Variants in VSIG10L2 observed in about 807,000 individuals in gnomAD.
VSIG10L2 encodes the protein V-set and immunoglobulin domain-containing protein 10-like 2.
Under a neutral mutation model 67.1 loss-of-function variants are expected in VSIG10L2, and 56 were observed. The ratio of observed to expected loss-of-function variants is 0.83; its 90% CI spans 0.67 to 1.04. The LOEUF is 1.04. VSIG10L2 is among the 50% of genes least tolerant of loss of function. The pLI is 0.00. For missense variants in VSIG10L2, 843 were observed against 932.8 expected (o/e 0.90, Z 1.25); for synonymous variants, 360 against 396.6 (o/e 0.91, Z 1.10).
chr11:125,948,340 C>G lies in VSIG10L2; in HGVS notation c.469C>G (p.Pro157Ala), dbSNP rs1945322143. 1.6e-6 allele frequency: 2 copies of G among 1,232,494 alleles called. No homozygotes were observed. Among genetic ancestry groups the G allele is most frequent in the Non-Finnish European group, 2.0e-6 (2 of 988,360 alleles). 76.3% of individuals were successfully genotyped at this position (1,232,494 alleles called of 1,614,324 possible). The change falls in exon 3 of 12, where the codon CCG (proline) becomes GCG (alanine). Residue 157 changes from proline to alanine, a missense_variant. Pro to Ala is a conservative substitution (Grantham distance 27). Around this residue, in one of 2 missense-constraint regions of VSIG10L2, gnomAD observed 446 missense variants for 548.4 expected, o/e 0.81. Coordinates refer to ENST00000686984, the MANE Select transcript of VSIG10L2 (RefSeq NM_001365077.2). ...VSKPQVRLSN[P>A]SPVEGASVVA... ...CAAGCCTCAAGTGCGACTGAGTAACCCGTCCCCTGTGGAGGGAGCCTCCGT... is the reference window on the plus strand; with the variant it reads ...CAAGCCTCAAGTGCGACTGAGTAACGCGTCCCCTGTGGAGGGAGCCTCCGT...
Position 125,954,277 on chromosome 11 carries a change from C to T in VSIG10L2, c.1977C>T (p.Ser659=), listed in dbSNP as rs1317617599. 9 of 1,232,136 alleles carry T rather than the reference C, an allele frequency of 7.3e-6. No individual in the cohort carries two copies. Among genetic ancestry groups the T allele is most frequent in the African/African-American group, 4.7e-5 (3 of 64,406 alleles). 76.3% of individuals were successfully genotyped at this position (1,232,136 alleles called of 1,614,324 possible). A position where few individuals can be genotyped will look rare whatever the true frequency, so the allele number is the denominator to read the frequency against. ...ETAASDIEPE[S]RGRRLGGLDP... is the part of the protein sequence containing the mutation. ...CAGCTAGTGACATCGAGCCAGAGAG[C>T]CGAGGACGGCGGCTGGGGGGCTTGG... is the stretch of plus-strand genomic sequence containing the variant. Residue 659 remains serine, a synonymous_variant, in exon 8 of 12, where the codon AGC becomes AGT. Transcript: ENST00000686984.
At chr11:125,951,252 C>T in intron 5 of VSIG10L2, 94 bp downstream of exon 5, 1 of 1,187,434 alleles carries the variant, frequency 8.4e-7, no homozygotes, top group East Asian at 3.2e-5. Context: ...ATCTGGGTGG[C>T]TCTCCAGACC....
In VSIG10L2 at chr11:125,954,217, T is replaced by C. The variant is rs914730449; in HGVS notation, c.1917T>C (p.Ser639=). 15 of 1,232,078 alleles carry C rather than the reference T, an allele frequency of 1.2e-5. No individual in the cohort carries two copies. In the African/African-American group the frequency reaches 2.0e-4, roughly 17 times the overall value. 76.3% of individuals were successfully genotyped at this position (1,232,078 alleles called of 1,614,324 possible). ...GCTTCCTGGTGCAGCGGAAGGCCAG[T>C]GCCCTGGGCCCAGGAGCTGGGGCGT... ...LTGFLVQRKA[S]ALGPGAGAWE... The change falls in exon 8 of 12, where the codon AGT becomes AGC. Residue 639 remains serine (S), a synonymous_variant. Coordinates refer to ENST00000686984, the MANE Select transcript of VSIG10L2 (RefSeq NM_001365077.2).
At position 125,946,988 on chromosome 11, in the gene VSIG10L2, T is replaced by A. The variant is rs1945309289; in HGVS notation, c.83-698T>A. 6.6e-6 allele frequency among the ~76,000 whole-genome samples: 1 copy of A among 152,194 alleles called. No individual in the cohort carries two copies. Among genetic ancestry groups the A allele is most frequent in the African/African-American group, 2.4e-5 (1 of 41,454 alleles). ...TGGGCCCTGAGCCGAGAACACCTGT[T>A]AAGTGACTTACTCCACAGGAACTAC... is the stretch of plus-strand genomic sequence containing the variant. On this transcript the variant is annotated intron_variant, in intron 1 of 11. Transcript: ENST00000686984. The surrounding 1 kb of genome is among the most constrained non-coding windows in gnomAD (Gnocchi z 4.4).
Position 125,950,301 on chromosome 11 carries a change from G to C in VSIG10L2, c.985+12G>C. On this transcript the variant is annotated intron_variant, in intron 4 of 11. Transcript: ENST00000686984. ...GCTCACCATCTACTGTGAGTGTGGG[G>C]GTCGGGTGACGCCCAGACCTGTCCT... 1 of 1,232,344 alleles carries C rather than the reference G, an allele frequency of 8.1e-7. No individual in the cohort carries two copies. The highest frequency in any genetic ancestry group is 1.0e-6 in the Non-Finnish European group (1 of 988,140). The allele number at this position is 1,232,344 out of a possible 1,614,324, so 76.3% of individuals were successfully genotyped here.
chr11:125,955,319 A>C (rs954149940), intron 9 of VSIG10L2, 140 bp downstream of exon 9: 9 of 1,290,124 alleles, frequency 7.0e-6, no homozygotes, highest in Non-Finnish European at 9.2e-6. Flanking sequence ...CCAGTGCTAG[A>C]TGTTGCCATG....
At position 125,955,218 on chromosome 11, in the gene VSIG10L2, C is replaced by T. The variant is rs1387729492; in HGVS notation, c.2206+39C>T. 6 of 1,260,808 alleles carry T rather than the reference C, an allele frequency of 4.8e-6. No homozygotes were observed. In the East Asian group the frequency reaches 1.8e-4, roughly 38 times the overall value. The allele number at this position is 1,260,808 out of a possible 1,614,324, so 78.1% of individuals were successfully genotyped here. On this transcript the variant is annotated intron_variant, in intron 9 of 11. Coordinates refer to ENST00000686984, the MANE Select transcript of VSIG10L2 (RefSeq NM_001365077.2). The stretch of plus-strand genomic sequence containing the variant: ...GGAAGGGACGGGCTGCTTGACCCCA[C>T]AGGGTGGCCAGGCCCTGACCTATCC...
chr11:125,954,303 A>G lies in VSIG10L2; in HGVS notation c.2003A>G (p.Asp668Gly). 1.6e-6 allele frequency: 2 copies of G among 1,231,132 alleles called. No homozygotes were observed. The highest frequency in any genetic ancestry group is 1.0e-6 in the Non-Finnish European group (1 of 987,746). The allele number at this position is 1,231,132 out of a possible 1,614,324, so 76.3% of individuals were successfully genotyped here. A position where few individuals can be genotyped will look rare whatever the true frequency, so the allele number is the denominator to read the frequency against. Residue 668 changes from aspartate to glycine, a missense_variant, in exon 8 of 12, where the codon GAC (aspartate) becomes GGC (glycine). Asp to Gly is a moderately conservative substitution (Grantham distance 94). Transcript: ENST00000686984. ...CGAGGACGGCGGCTGGGGGGCTTGG[A>G]CCCCGGGGTCCTTTATGCCTTCCGC... ...ESRGRRLGGLDPGVLYAFRIL... is the reference protein window; with the variant it reads ...ESRGRRLGGLGPGVLYAFRIL...
In VSIG10L2 at chr11:125,948,311, T is replaced by C; in HGVS notation, c.440T>C (p.Val147Ala). 4.1e-6 allele frequency: 5 copies of C among 1,232,534 alleles called. No homozygotes were observed. The highest frequency in any genetic ancestry group is 5.1e-6 in the Non-Finnish European group (5 of 988,320). The allele number at this position is 1,232,534 out of a possible 1,614,324, so 76.3% of individuals were successfully genotyped here. A position where few individuals can be genotyped will look rare whatever the true frequency, so the allele number is the denominator to read the frequency against. Residue 147 changes from valine (V) to alanine (A), a missense_variant, in exon 3 of 12, where the codon GTG becomes GCG. Coordinates refer to ENST00000686984, the MANE Select transcript of VSIG10L2 (RefSeq NM_001365077.2). ...SHLTLAVLVP[V>A]SKPQVRLSNP... is the part of the protein sequence containing the mutation. ...CTCTCCCTCCTCTGGCCAGTGCCGG[T>C]GTCCAAGCCTCAAGTGCGACTGAGT...
At chr11:125,949,632 G>C (rs955361716) in intron 3 of VSIG10L2, among the ~76,000 whole-genome samples, 1 of 152,170 alleles carries the variant, frequency 6.6e-6, no homozygotes, top group Non-Finnish European at 1.5e-5. Context: ...GCTGGGATAG[G>C]GTTCAGGACA....
intron 7 of VSIG10L2, 55 bp from the exon 8 acceptor site, chr11:125,954,023 GGGGGCACAA>G: frequency 8.3e-7 from 1 of 1,211,900 alleles, no homozygotes. Context: ...GAGCAAATCT[GGGGGCACAA>G]GGTCACGTGG....
In VSIG10L2 at chr11:125,948,070, G is replaced by T. The variant is rs547605150; in HGVS notation, c.433+34G>T. On this transcript the variant is annotated intron_variant, in intron 2 of 11. Transcript: ENST00000686984. ...CTGGCCCCAGCTGCAGCTGGTCCGC[G>T]GGCTGCTTTGGATTTCTCTGGAAGT... The T allele has an allele frequency of 6.7e-4, 831 of 1,232,462 alleles. 1 individual carries two copies. Among genetic ancestry groups the T allele is most frequent in the Non-Finnish European group, 8.1e-4 (800 of 988,254 alleles). The allele number at this position is 1,232,462 out of a possible 1,614,324, so 76.3% of individuals were successfully genotyped here.
chr11:125,955,658 G>T lies in VSIG10L2; in HGVS notation c.2275G>T (p.Ala759Ser). The change falls in exon 11 of 12, where the codon GCA (alanine) becomes TCA (serine). Residue 759 changes from alanine (A) to serine (S), a missense_variant. By Grantham distance (99) the Ala-to-Ser change is moderately conservative. Transcript: ENST00000686984. ...GAGGGGTTCCAGAGAAGATGCTGAG[G>T]CACCGGCAGGTAAGCACCTTATCCA... is the stretch of plus-strand genomic sequence containing the variant. ...QQRGSREDAE[A>S]PAGLETPTTT... 6.5e-7 allele frequency: 1 copy of T among 1,532,894 alleles called. No homozygotes were observed. Among genetic ancestry groups the T allele is most frequent in the Non-Finnish European group, 8.7e-7 (1 of 1,145,472 alleles). The allele number at this position is 1,532,894 out of a possible 1,614,324, so 95.0% of individuals were successfully genotyped here.
chr11:125,955,123 C>T lies in VSIG10L2; in HGVS notation c.2150C>T (p.Thr717Met), dbSNP rs565465951. 1.1e-4 allele frequency: 131 copies of T among 1,240,150 alleles called. No homozygotes were observed. The East Asian group carries it at 1.8e-3, about 17-fold the overall frequency. The allele number at this position is 1,240,150 out of a possible 1,614,324, so 76.8% of individuals were successfully genotyped here. ...GAAGTGMVVA[T>M]VASLLVFQYA... ...GCAGGCACGGGAATGGTGGTAGCAA[C>T]GGTGGCCTCTCTACTGGTGTTCCAG... Residue 717 changes from threonine (T) to methionine (M), a missense_variant, in exon 9 of 12, where the codon ACG becomes ATG. Thr to Met is a moderately conservative substitution (Grantham distance 81, BLOSUM62 -1). Transcript: ENST00000686984.
In VSIG10L2 at chr11:125,953,585, CT is replaced by C; in HGVS notation, c.1682del (p.Leu561ArgfsTer35). The C allele has an allele frequency of 8.1e-7, 1 of 1,232,198 alleles. No individual in the cohort carries two copies. The highest frequency in any genetic ancestry group is 1.0e-6 in the Non-Finnish European group (1 of 988,002). The allele number at this position is 1,232,198 out of a possible 1,614,324, so 76.3% of individuals were successfully genotyped here. ...MLHPEGAQLR[L>X]GIYDADPAHH... ...GCACCCTGAGGGTGCCCAGCTGCGC[CT>C]GGGCATCTACGATGCTGACCCGGCA... is the stretch of plus-strand genomic sequence containing the variant. On this transcript the variant is annotated frameshift_variant, in exon 7 of 12. Coordinates refer to ENST00000686984, the MANE Select transcript of VSIG10L2 (RefSeq NM_001365077.2). LOFTEE classifies it high-confidence loss of function.
Position 125,955,056 on chromosome 11 carries a change from G to C in VSIG10L2, c.2084-1G>C, listed in dbSNP as rs557078813. ...ATGGAACCTGTGCTCTCCCCTCCTA[G>C]CGGACCCCCCCTTCAGCGCCTACCC... On this transcript the variant is annotated splice_acceptor_variant, in intron 8 of 11. Coordinates refer to ENST00000686984, the MANE Select transcript of VSIG10L2 (RefSeq NM_001365077.2). LOFTEE classifies it high-confidence loss of function. The C allele has an allele frequency of 8.1e-7, 1 of 1,234,880 alleles. No individual in the cohort carries two copies. Among genetic ancestry groups the C allele is most frequent in the East Asian group, 3.1e-5 (1 of 31,746 alleles). 76.5% of individuals were successfully genotyped at this position (1,234,880 alleles called of 1,614,324 possible). A position where few individuals can be genotyped will look rare whatever the true frequency, so the allele number is the denominator to read the frequency against.
Position 125,947,953 on chromosome 11 carries a change from G to A in VSIG10L2, c.350G>A (p.Arg117His), listed in dbSNP as rs372733662. 6.3e-5 allele frequency: 78 copies of A among 1,232,196 alleles called. No homozygotes were observed. In the East Asian group the frequency reaches 7.6e-4, roughly 12 times the overall value. 76.3% of individuals were successfully genotyped at this position (1,232,196 alleles called of 1,614,324 possible). ...LVLGELHEGA[R>H]GHFLCQVLHV... ...CTGGGGGAGCTTCACGAGGGTGCCC[G>A]TGGCCACTTCCTATGCCAGGTTCTG... The change falls in exon 2 of 12, where the codon CGT becomes CAT. Residue 117 changes from arginine to histidine, a missense_variant. By Grantham distance (29) the Arg-to-His change is conservative. This residue lies in a region of VSIG10L2 where 446 missense variants were observed against 548.4 expected (regional missense o/e 0.81). Transcript: ENST00000686984.
intron 3 of VSIG10L2, among the ~76,000 whole-genome samples, chr11:125,949,809 C>T (rs1591529304): frequency 2.0e-5 from 3 of 152,266 alleles, no homozygotes; most frequent in South Asian, 4.1e-4. Context: ...GCCCAGGGTG[C>T]TCACCTCCAC....
Position 125,947,950 on chromosome 11 carries a change from C to A in VSIG10L2, c.347C>A (p.Ala116Asp). 8.1e-7 allele frequency: 1 copy of A among 1,232,334 alleles called. No homozygotes were observed. The highest frequency in any genetic ancestry group is 1.0e-6 in the Non-Finnish European group (1 of 988,116). The allele number at this position is 1,232,334 out of a possible 1,614,324, so 76.3% of individuals were successfully genotyped here. A position where few individuals can be genotyped will look rare whatever the true frequency, so the allele number is the denominator to read the frequency against. ...GTGCTGGGGGAGCTTCACGAGGGTG[C>A]CCGTGGCCACTTCCTATGCCAGGTT... ...SLVLGELHEG[A>D]RGHFLCQVLH... The change falls in exon 2 of 12, where the codon GCC becomes GAC. Residue 116 changes from alanine (A) to aspartate (D), a missense_variant. Coordinates refer to ENST00000686984, the MANE Select transcript of VSIG10L2 (RefSeq NM_001365077.2).
Sources: allele counts gnomAD v4.1 joint callset (sites outside exome capture counted in the v4.1 genomes callset), GRCh38; gene constraint gnomAD v4.1.1; regional missense constraint gnomAD v4.1.1; non-coding constraint Gnocchi (gnomAD v3.1); transcripts MANE v1.5; gene names NCBI Gene and HGNC (gene_info 2026-07-23, HGNC 2026-07-21).